The following USP46 variants were observed in gnomAD, a reference collection of about 807,000 sequenced individuals.
USP46 encodes the protein ubiquitin carboxyl-terminal hydrolase 46.
Under a neutral mutation model 44.4 loss-of-function variants are expected in USP46, and 12 were observed. That is an observed-to-expected ratio of 0.27 (90% CI 0.17 to 0.44). The LOEUF (loss-of-function observed/expected upper bound fraction) is 0.44, where lower values mean the gene tolerates loss of function less well. Ranked by LOEUF, USP46 falls within the 20% of genes least tolerant of loss-of-function variation. The pLI is 1.00. For missense variants in USP46, 248 were observed against 444.8 expected, an observed-to-expected ratio of 0.56 and a Z score of 3.98; for synonymous variants, 155 against 161.5, an observed-to-expected ratio of 0.96 and a Z score of 0.31.
At chr4:52,626,490 T>C (rs1379131077) in intron 3 of USP46, among the ~76,000 whole-genome samples, 1 of 152,128 alleles carries the variant, frequency 6.6e-6, no homozygotes, top group East Asian at 1.9e-4. Context: ...CCCAGCTAGC[T>C]AATTTTTGTA....
chr4:52,624,796 C>G (rs185583314), intron 4 of USP46, among the ~76,000 whole-genome samples: 3 of 152,088 alleles, frequency 2.0e-5, no homozygotes, highest in Admixed American at 1.3e-4. Flanking sequence ...AAAAGGAGAC[C>G]CGAGAGAGCT....
intron 1 of USP46, among the ~76,000 whole-genome samples, chr4:52,639,458 A>C (rs1718245744): frequency 6.6e-6 from 1 of 152,126 alleles, no homozygotes; most frequent in South Asian, 2.1e-4. Context: ...TTTGGAACCA[A>C]TATGGCTACT....
chr4:52,624,192 C>A (rs1248492368), intron 4 of USP46, among the ~76,000 whole-genome samples: 1 of 152,124 alleles, frequency 6.6e-6, no homozygotes, highest in African/African-American at 2.4e-5. Context: ...TACCATACTA[C>A]TGCCTCTACT....
At chr4:52,604,422 C>G in intron 6 of USP46, 79 bp downstream of exon 6, 2 of 1,255,466 alleles carry the variant, frequency 1.6e-6, no homozygotes, top group African/African-American at 1.5e-5. Flanking sequence ...GAGATTGATT[C>G]AAAGCCAACC....
At position 52,636,836 on chromosome 4, in the gene USP46, G is replaced by T. The variant is rs564219370; in HGVS notation, c.37-5692C>A. 2.0e-5 allele frequency among the ~76,000 whole-genome samples: 3 copies of T among 151,052 alleles called. No homozygotes were observed. The East Asian group carries it at 5.8e-4, about 29-fold the overall frequency. On this transcript the variant is annotated intron_variant, in intron 1 of 8. Coordinates refer to ENST00000441222, the MANE Select transcript of USP46 (RefSeq NM_022832.4). ...TTTTTTTTTCTTTTTATGAGACAGG[G>T]TCTCACTCTATTGCCCAGACTGCAG...
chr4:52,643,075 C>T (rs1021138126), intron 1 of USP46, among the ~76,000 whole-genome samples: 6 of 152,218 alleles, frequency 3.9e-5, no homozygotes, highest in Non-Finnish European at 5.9e-5. Context: ...AATAGAGGAA[C>T]GAAATTATTT....
chr4:52,657,161 T>C (rs1423468767), intron 1 of USP46, among the ~76,000 whole-genome samples: 1 of 151,964 alleles, frequency 6.6e-6, no homozygotes, highest in Non-Finnish European at 1.5e-5. Flanking sequence ...CCTTACTTAA[T>C]GAATTACTGG....
intron 6 of USP46, among the ~76,000 whole-genome samples, chr4:52,604,222 A>G (rs1215622714): frequency 1.3e-5 from 2 of 152,244 alleles, no homozygotes; most frequent in Non-Finnish European, 2.9e-5. Context: ...TTTATCTAGC[A>G]TAATATCTGG....
At chr4:52,619,050 C>T in intron 4 of USP46, among the ~76,000 whole-genome samples, 1 of 152,074 alleles carries the variant, frequency 6.6e-6, no homozygotes. Context: ...CAAAATTAAG[C>T]TCCAACTGGG....
chr4:52,638,205 G>A (rs1219406924), intron 1 of USP46, among the ~76,000 whole-genome samples: 2 of 152,162 alleles, frequency 1.3e-5, no homozygotes, highest in Non-Finnish European at 2.9e-5. Context: ...AAGAGAGGGA[G>A]GCAAGAAGGT....
At position 52,592,875 on chromosome 4, in the gene USP46, C is replaced by T. The variant is rs73248657; in HGVS notation, c.*4765G>A. The T allele has an allele frequency of 0.051, 20,156 of 398,414 alleles. 655 individuals carry two copies. The highest frequency in any genetic ancestry group is 0.094 in the South Asian group (736 of 7,832). The allele number at this position is 398,414 out of a possible 1,614,324, so 24.7% of individuals were successfully genotyped here. On this transcript the variant is annotated 3_prime_UTR_variant, in exon 9 of 9. Coordinates refer to ENST00000441222, the MANE Select transcript of USP46 (RefSeq NM_022832.4). Reference sequence around the variant, plus strand: ...GAAAGAAAAGTGTGTAACCCCTCCCCCTTTGCTCTCTTCCTCTTGCTCCTG... The same window carrying T: ...GAAAGAAAAGTGTGTAACCCCTCCCTCTTTGCTCTCTTCCTCTTGCTCCTG...
chr4:52,597,495 AGGAGAGAG>A lies in USP46; in HGVS notation c.*137_*144del. 1.6e-6 allele frequency: 1 copy of A among 632,220 alleles called. No homozygotes were observed. Among genetic ancestry groups the A allele is most frequent in the Non-Finnish European group, 2.8e-6 (1 of 356,556 alleles). The allele number at this position is 632,220 out of a possible 1,614,324, so 39.2% of individuals were successfully genotyped here. A position where few individuals can be genotyped will look rare whatever the true frequency, so the allele number is the denominator to read the frequency against. On this transcript the variant is annotated 3_prime_UTR_variant, in exon 9 of 9. Coordinates refer to ENST00000441222, the MANE Select transcript of USP46 (RefSeq NM_022832.4). ...GTAGTGCTGCATGTAAAAACACAAAAGGAGAGAGTCTAACACAGCCAGACCATTGAGAC... is the reference window on the plus strand; with the variant it reads ...GTAGTGCTGCATGTAAAAACACAAAATCTAACACAGCCAGACCATTGAGAC...
chr4:52,600,205 CTA>C (rs1716414287), intron 7 of USP46, among the ~76,000 whole-genome samples: 2 of 152,062 alleles, frequency 1.3e-5, no homozygotes, highest in African/African-American at 4.8e-5. Context: ...TTTCGTTACT[CTA>C]TTTTCAGATC....
chr4:52,645,555 G>A (rs1256564109), intron 1 of USP46, among the ~76,000 whole-genome samples: 2 of 152,160 alleles, frequency 1.3e-5, no homozygotes, highest in Non-Finnish European at 2.9e-5. Flanking sequence ...TGAACTCAGT[G>A]AGCTAGAAGC....
chr4:52,648,514 C>A (rs574513376), intron 1 of USP46, among the ~76,000 whole-genome samples: 1 of 152,204 alleles, frequency 6.6e-6, no homozygotes, highest in Admixed American at 6.5e-5. Flanking sequence ...AAGTGATACA[C>A]AGATGTAGCA....
chr4:52,608,380 A>G (rs1025294587), intron 5 of USP46, among the ~76,000 whole-genome samples: 3 of 152,328 alleles, frequency 2.0e-5, no homozygotes, highest in African/African-American at 7.2e-5. Context: ...TTTCCATGTC[A>G]TGATCCACAC....
At chr4:52,598,293 T>C (rs1716321640) in intron 8 of USP46, among the ~76,000 whole-genome samples, 1 of 152,158 alleles carries the variant, frequency 6.6e-6, no homozygotes, top group Non-Finnish European at 1.5e-5. Context: ...TAATACAACT[T>C]TGAAGTCTAT....
chr4:52,622,717 C>T (rs1004362932), intron 4 of USP46, among the ~76,000 whole-genome samples: 2 of 152,102 alleles, frequency 1.3e-5, no homozygotes, highest in Non-Finnish European at 2.9e-5. Flanking sequence ...AAGGTGACTT[C>T]ATTAAGTTGG....
chr4:52,609,988 C>T (rs1403034956), intron 5 of USP46, among the ~76,000 whole-genome samples: 1 of 116,698 alleles, frequency 8.6e-6, no homozygotes, highest in Non-Finnish European at 1.6e-5. Flanking sequence ...TGCAGTGGCG[C>T]GATCTCGACT....
Sources: allele counts gnomAD v4.1 joint callset (sites outside exome capture counted in the v4.1 genomes callset), GRCh38; gene constraint gnomAD v4.1.1; transcripts MANE v1.5; gene names NCBI Gene and HGNC (gene_info 2026-07-23, HGNC 2026-07-21).